Variants in HMGCLL1 observed in about 807,000 individuals in gnomAD.
The protein encoded by HMGCLL1 is 3-hydroxymethyl-3-methylglutaryl-CoA lyase, cytoplasmic.
In HMGCLL1, 36 loss-of-function variants were observed where a neutral mutation model predicts 39.1. That is an observed-to-expected ratio of 0.92 (90% CI 0.71 to 1.22). HMGCLL1 has a LOEUF of 1.22. HMGCLL1 is among the 50% of genes most tolerant of loss of function. The pLI is 0.00. For synonymous variants in HMGCLL1, 149 were observed against 144.0 expected (o/e 1.03, Z -0.25); for missense variants, 451 against 416.5 (o/e 1.08, Z -0.72).
chr6:55,669,905 G>C, the HMGCLL1 span, among the ~76,000 whole-genome samples: 1 of 151,798 alleles, frequency 6.6e-6, no homozygotes, highest in African/African-American at 2.4e-5. Context: ...AGTCCCGGGA[G>C]AGAACAGACT....
At chr6:55,629,493 A>G in the HMGCLL1 span, among the ~76,000 whole-genome samples, 1 of 152,168 alleles carries the variant, frequency 6.6e-6, no homozygotes, top group Non-Finnish European at 1.5e-5. Flanking sequence ...AGAGCATTTC[A>G]TTTTCTGAGG....
chr6:55,628,634 A>G, the HMGCLL1 span, among the ~76,000 whole-genome samples: 1 of 151,930 alleles, frequency 6.6e-6, no homozygotes, highest in African/African-American at 2.4e-5. Flanking sequence ...CTGATACCAG[A>G]TGTATTGGAG....
At chr6:55,624,308 G>A in the HMGCLL1 span, among the ~76,000 whole-genome samples, 1 of 152,122 alleles carries the variant, frequency 6.6e-6, no homozygotes, top group Non-Finnish European at 1.5e-5. Context: ...ACCAAGTGGT[G>A]ACTCCAATTG....
intron 1 of HMGCLL1, among the ~76,000 whole-genome samples, chr6:55,569,628 T>G (rs1032900001): frequency 2.6e-5 from 4 of 152,202 alleles, no homozygotes; most frequent in African/African-American, 9.6e-5. Flanking sequence ...TTAAATGAGC[T>G]ACTGGATGTA....
chr6:55,664,451 C>G, the HMGCLL1 span, among the ~76,000 whole-genome samples: 1 of 151,694 alleles, frequency 6.6e-6, no homozygotes, highest in African/African-American at 2.4e-5. Flanking sequence ...CTACGAAATT[C>G]TACCCTGTAC....
chr6:55,552,255 C>A (rs752502072), intron 1 of HMGCLL1, among the ~76,000 whole-genome samples: 1 of 151,816 alleles, frequency 6.6e-6, no homozygotes, highest in African/African-American at 2.4e-5. Flanking sequence ...ATTTAAAATC[C>A]TAAACATGAA....
intron 7 of HMGCLL1, among the ~76,000 whole-genome samples, chr6:55,458,277 G>C (rs143561446): frequency 6.6e-6 from 1 of 152,088 alleles, no homozygotes; most frequent in African/African-American, 2.4e-5. Context: ...TACAGTAGTA[G>C]AAAATAAAGC....
chr6:55,587,696 G>A, the HMGCLL1 span, among the ~76,000 whole-genome samples: 11 of 151,934 alleles, frequency 7.2e-5, no homozygotes, highest in African/African-American at 1.9e-4. Context: ...TCAAAATAAA[G>A]GGACGGAGGA....
upstream of HMGCLL1, among the ~76,000 whole-genome samples, chr6:55,579,769 G>T (rs964187348): frequency 6.6e-6 from 1 of 152,146 alleles, no homozygotes; most frequent in Non-Finnish European, 1.5e-5. Flanking sequence ...AAAGTCTCAT[G>T]GCACAAAATT....
chr6:55,445,940 T>G (rs1013582649), intron 7 of HMGCLL1, among the ~76,000 whole-genome samples: 2 of 151,844 alleles, frequency 1.3e-5, no homozygotes, highest in African/African-American at 4.8e-5. Context: ...AACAAACGGG[T>G]TTTCTGCATT....
the HMGCLL1 span, among the ~76,000 whole-genome samples, chr6:55,636,443 C>T: frequency 6.6e-6 from 1 of 152,150 alleles, no homozygotes; most frequent in Non-Finnish European, 1.5e-5. Flanking sequence ...AGTGGCAACT[C>T]ACTCAAATTT....
At chr6:55,469,528 T>C (rs1004445801) in intron 7 of HMGCLL1, among the ~76,000 whole-genome samples, 3 of 150,198 alleles carry the variant, frequency 2.0e-5, no homozygotes, top group African/African-American at 7.3e-5. Flanking sequence ...TGATTATATG[T>C]AATAAAATGG....
chr6:55,664,892 T>C, the HMGCLL1 span, among the ~76,000 whole-genome samples: 1 of 151,588 alleles, frequency 6.6e-6, no homozygotes, highest in South Asian at 2.1e-4. Flanking sequence ...TTTCCTAGAA[T>C]GAGGGATCAG....
At chr6:55,502,033 T>C (rs1279420866) in intron 5 of HMGCLL1, among the ~76,000 whole-genome samples, 1 of 151,866 alleles carries the variant, frequency 6.6e-6, no homozygotes, top group Non-Finnish European at 1.5e-5. Flanking sequence ...TTATTCCTTA[T>C]TTCTGGTTCA....
chr6:55,640,656 C>A, the HMGCLL1 span, among the ~76,000 whole-genome samples: 1 of 151,754 alleles, frequency 6.6e-6, no homozygotes, highest in African/African-American at 2.4e-5. Context: ...GATATTGTAT[C>A]ACCATTGTAG....
chr6:55,470,810 T>TTA (rs1192761048), intron 7 of HMGCLL1, among the ~76,000 whole-genome samples: 1 of 151,634 alleles, frequency 6.6e-6, no homozygotes, highest in African/African-American at 2.4e-5. Context: ...AAGGCACATC[T>TTA]TATATGGTGG....
At chr6:55,535,000 T>A (rs1412986967) in intron 3 of HMGCLL1, among the ~76,000 whole-genome samples, 1 of 152,124 alleles carries the variant, frequency 6.6e-6, no homozygotes, top group African/African-American at 2.4e-5. Flanking sequence ...GGGAAAAAAA[T>A]GAGGTGGCAA....
chr6:55,633,349 A>G, the HMGCLL1 span, among the ~76,000 whole-genome samples: 1 of 151,912 alleles, frequency 6.6e-6, no homozygotes, highest in African/African-American at 2.4e-5. Flanking sequence ...GCTAGTTATT[A>G]GTTGTTCATG....
chr6:55,640,607 G>A, the HMGCLL1 span, among the ~76,000 whole-genome samples: 1 of 151,664 alleles, frequency 6.6e-6, no homozygotes, highest in Non-Finnish European at 1.5e-5. Flanking sequence ...AGGAGAGAGT[G>A]ATATTTGAGA....
Sources: gnomAD v4.1 joint callset for allele counts (sites outside exome capture counted in the v4.1 genomes callset) on GRCh38, gnomAD v4.1.1 for gene constraint, MANE v1.5 for transcripts, NCBI Gene and HGNC (gene_info 2026-07-23, HGNC 2026-07-21) for gene names.